Variants in TPH2 observed in about 807,000 individuals in gnomAD.
TPH2 encodes the protein tryptophan 5-hydroxylase 2.
A neutral mutation model predicts 59.1 loss-of-function variants in TPH2; 27 were observed. That is an observed-to-expected ratio of 0.46 (90% confidence interval 0.34 to 0.63). The LOEUF (loss-of-function observed/expected upper bound fraction) is 0.63. Ranked by LOEUF, TPH2 falls within the 30% of genes least tolerant of loss-of-function variation. TPH2 has a pLI of 0.01. For synonymous variants in TPH2, 220 were observed against 210.5 expected, an observed-to-expected ratio of 1.05 and a Z score of -0.39; for missense variants, 523 against 588.3, an observed-to-expected ratio of 0.89 and a Z score of 1.15.
chr12:72,031,138 C>G, intron 9 of TPH2, 120 bp from the exon 10 acceptor site: 2 of 1,300,510 alleles, frequency 1.5e-6, no homozygotes, highest in Non-Finnish European at 2.2e-6. Context: ...TCATGACAGA[C>G]TAGTAACTGA....
At chr12:72,006,914 G>A (rs370112705) in intron 8 of TPH2, among the ~76,000 whole-genome samples, 45 of 152,076 alleles carry the variant, frequency 3.0e-4, no homozygotes, top group African/African-American at 7.5e-4. Context: ...AGTGCTAAGC[G>A]TTCAAAAAAT....
intron 7 of TPH2, among the ~76,000 whole-genome samples, chr12:71,987,844 C>T (rs117456645): frequency 1.1e-3 from 169 of 152,242 alleles, no homozygotes; most frequent in Non-Finnish European, 1.8e-3. Context: ...AAGAGTGAAA[C>T]TCCATCTCAA....
intron 3 of TPH2, 29 bp from the exon 4 acceptor site, chr12:71,944,557 T>C: frequency 1.2e-6 from 2 of 1,613,758 alleles, no homozygotes; most frequent in Non-Finnish European, 1.7e-6. Context: ...TGTGAACTAA[T>C]ATTTTTGAAC....
chr12:72,020,366 A>G (rs1044105279), intron 8 of TPH2, among the ~76,000 whole-genome samples: 2 of 152,236 alleles, frequency 1.3e-5, no homozygotes, highest in Non-Finnish European at 2.9e-5. Context: ...CATATCATGC[A>G]TATGGAAATT....
chr12:72,000,199 T>G (rs1453345620), intron 8 of TPH2, among the ~76,000 whole-genome samples: 8 of 152,204 alleles, frequency 5.3e-5, no homozygotes, highest in Non-Finnish European at 7.3e-5. Context: ...TGAAATAAGA[T>G]GCAAAATGGT....
chr12:72,008,585 A>G (rs1214041140), intron 8 of TPH2, among the ~76,000 whole-genome samples: 1 of 152,210 alleles, frequency 6.6e-6, no homozygotes, highest in African/African-American at 2.4e-5. Context: ...CATTCACATG[A>G]TGCTGCACAC....
intron 2 of TPH2, among the ~76,000 whole-genome samples, chr12:71,942,431 T>C (rs1566110378): frequency 6.6e-6 from 1 of 152,094 alleles, no homozygotes; most frequent in Non-Finnish European, 1.5e-5. Flanking sequence ...CCCTTACAAA[T>C]GCATTTTGTT....
chr12:71,994,404 T>A, intron 7 of TPH2, 35 bp from the exon 8 acceptor site: 1 of 1,612,832 alleles, frequency 6.2e-7, no homozygotes, highest in Admixed American at 1.7e-5. Context: ...TAAAGCTTCT[T>A]ATTTAACACG....
At chr12:72,031,440 T>G (rs183604219) in intron 10 of TPH2, 49 bp downstream of exon 10, 4 of 1,613,010 alleles carry the variant, frequency 2.5e-6, no homozygotes, top group Admixed American at 3.3e-5. Flanking sequence ...TTTATTTTTC[T>G]GTCTCTATTC....
chr12:72,021,367 GT>G (rs1172643497), intron 8 of TPH2, among the ~76,000 whole-genome samples: 26 of 38,714 alleles, frequency 6.7e-4, no homozygotes, highest in Non-Finnish European at 2.2e-3. Flanking sequence ...GTGTGTGTGT[GT>G]GTGTGTGTGT....
intron 1 of TPH2, among the ~76,000 whole-genome samples, chr12:71,939,523 C>A (rs1870998999): frequency 6.6e-6 from 1 of 152,030 alleles, no homozygotes; most frequent in Non-Finnish European, 1.5e-5. Context: ...CTCCTACACC[C>A]CCTTCAGTTT....
At chr12:71,961,241 A>T (rs1417886276) in intron 5 of TPH2, among the ~76,000 whole-genome samples, 2 of 152,190 alleles carry the variant, frequency 1.3e-5, no homozygotes, top group Admixed American at 1.3e-4. Context: ...TGTAAGCCTC[A>T]GTTTCTTCAA....
chr12:71,974,656 G>T (rs1224642743), intron 6 of TPH2, among the ~76,000 whole-genome samples: 1 of 152,142 alleles, frequency 6.6e-6, no homozygotes, highest in Non-Finnish European at 1.5e-5. Flanking sequence ...ACAGATTCAG[G>T]AGATTAAGAC....
intron 8 of TPH2, among the ~76,000 whole-genome samples, chr12:71,996,267 G>A (rs962889416): frequency 1.6e-4 from 25 of 152,226 alleles, no homozygotes; most frequent in African/African-American, 5.5e-4. Context: ...ATGACAGAGA[G>A]TGAGAGCAAG....
chr12:71,987,272 G>A (rs887621377), intron 7 of TPH2, among the ~76,000 whole-genome samples: 1 of 152,152 alleles, frequency 6.6e-6, no homozygotes, highest in Non-Finnish European at 1.5e-5. Flanking sequence ...GAACAACAGA[G>A]CCCCATCATC....
At chr12:71,943,256 C>T (rs564953904) in intron 2 of TPH2, among the ~76,000 whole-genome samples, 33 of 152,242 alleles carry the variant, frequency 2.2e-4, no homozygotes, top group African/African-American at 7.7e-4. Flanking sequence ...TGATTTGATA[C>T]TATGCTGGCA....
intron 8 of TPH2, among the ~76,000 whole-genome samples, chr12:72,015,506 A>G (rs1873221967): frequency 6.6e-6 from 1 of 151,650 alleles, no homozygotes; most frequent in African/African-American, 2.4e-5. Flanking sequence ...TTTTTAGTAG[A>G]GACGGGGTTT....
chr12:72,005,968 T>G (rs372162990), intron 8 of TPH2, among the ~76,000 whole-genome samples: 8 of 152,290 alleles, frequency 5.3e-5, no homozygotes, highest in African/African-American at 1.9e-4. Context: ...GTAGCAAAAG[T>G]ATTCTAAAGC....
At chr12:71,956,364 G>A (rs1266599451) in intron 5 of TPH2, among the ~76,000 whole-genome samples, 1 of 151,980 alleles carries the variant, frequency 6.6e-6, no homozygotes, top group Non-Finnish European at 1.5e-5. Context: ...GGACCATCTG[G>A]GAGGTTGGGT....
Sources: gnomAD v4.1 joint callset for allele counts (sites outside exome capture counted in the v4.1 genomes callset) on GRCh38, gnomAD v4.1.1 for gene constraint, MANE v1.5 for transcripts, NCBI Gene and HGNC (gene_info 2026-07-23, HGNC 2026-07-21) for gene names.